EHMT1: variants seen among roughly 807,000 people sequenced by gnomAD.
EHMT1 encodes the protein euchromatic histone lysine methyltransferase 1, also known as histone-lysine N-methyltransferase EHMT1.
EHMT1 carries 15 observed loss-of-function variants against 147.2 expected under a neutral mutation model. The ratio of observed to expected loss-of-function variants is 0.10; its 90% CI spans 0.07 to 0.16. The LOEUF is 0.16. Among genes scored for constraint, EHMT1 ranks in the 10% least tolerant of loss-of-function variants. The pLI is 1.00. For missense variants in EHMT1, 1,587 were observed against 1,772.4 expected, an observed-to-expected ratio of 0.90 and a Z score of 1.88; for synonymous variants, 795 against 709.6, an observed-to-expected ratio of 1.12 and a Z score of -1.91.
At chr9:137,803,309 G>A (rs527397378) in intron 18 of EHMT1, 8 of 995,726 alleles carry the variant, frequency 8.0e-6, no homozygotes, top group Middle Eastern at 5.1e-4. Context: ...TGTTGCTGTC[G>A]GAAGAGTGAG....
At chr9:137,708,906 C>T (rs1361605739) in intron 1 of EHMT1, among the ~76,000 whole-genome samples, 1 of 152,210 alleles carries the variant, frequency 6.6e-6, no homozygotes, top group African/African-American at 2.4e-5. Context: ...TCGGGTTCCA[C>T]GCAGCCACTG....
chr9:137,816,090 C>G lies in EHMT1; in HGVS notation c.3374+28C>G, dbSNP rs780152861. 6.9e-6 allele frequency: 11 copies of G among 1,588,064 alleles called. No individual in the cohort carries two copies. The South Asian group carries it at 1.3e-4, about 18-fold the overall frequency. On this transcript the variant is annotated intron_variant, in intron 23 of 26. Coordinates refer to ENST00000460843, the MANE Select transcript of EHMT1 (RefSeq NM_024757.5). Reference sequence around the variant, plus strand: ...GAGAGGCAGCTTCCTGCCGGAGCCCCACATTCTGCTCGTATTAGCACGTAT... The same window carrying G: ...GAGAGGCAGCTTCCTGCCGGAGCCCGACATTCTGCTCGTATTAGCACGTAT...
intron 23 of EHMT1, chr9:137,816,413 C>T (rs1020113349): frequency 5.5e-6 from 2 of 363,374 alleles, no homozygotes; most frequent in Non-Finnish European, 1.1e-5. Flanking sequence ...TATTTTAATA[C>T]TCCAGTCATT....
intron 4 of EHMT1, among the ~76,000 whole-genome samples, chr9:137,730,546 C>T (rs1947018251): frequency 6.6e-6 from 1 of 152,250 alleles, no homozygotes; most frequent in African/African-American, 2.4e-5. Flanking sequence ...CTGACTTGGC[C>T]TCCCAAAGTG....
intron 1 of EHMT1, among the ~76,000 whole-genome samples, chr9:137,659,158 C>T (rs1040867317): frequency 6.6e-6 from 1 of 151,594 alleles, no homozygotes; most frequent in African/African-American, 2.4e-5. Context: ...CCAGGGTTTT[C>T]CTCCCAAAAC....
At chr9:137,646,015 A>G (rs1395851405) in intron 1 of EHMT1, among the ~76,000 whole-genome samples, 1 of 151,808 alleles carries the variant, frequency 6.6e-6, no homozygotes, top group Non-Finnish European at 1.5e-5. Flanking sequence ...CTGGAGTGCA[A>G]TGGTGTGATC....
chr9:137,782,937 G>GTCCCCC lies in EHMT1; in HGVS notation c.2382+542_2382+547dup, dbSNP rs1007092993. Among the ~76,000 whole-genome samples, 17 of 152,180 alleles carry GTCCCCC rather than the reference G, an allele frequency of 1.1e-4. No individual in the cohort carries two copies. Among genetic ancestry groups the GTCCCCC allele is most frequent in the African/African-American group, 3.9e-4 (16 of 41,426 alleles). ...TGGGTTCAGACACACGACGCTGTTT[G>GTCCCCC]TCCCCCTGTGACGCCCCTTCCCTGA... On this transcript the variant is annotated intron_variant, in intron 15 of 26. Coordinates refer to ENST00000460843, the MANE Select transcript of EHMT1 (RefSeq NM_024757.5). This position sits in a 1 kb window ranked among gnomAD's most constrained non-coding sequence, Gnocchi z 5.7.
intron 4 of EHMT1, among the ~76,000 whole-genome samples, chr9:137,740,824 A>G (rs888603688): frequency 2.6e-5 from 4 of 152,038 alleles, no homozygotes; most frequent in African/African-American, 9.7e-5. Context: ...ATTTTTTGAG[A>G]TGGAGTCTAG....
chr9:137,698,883 T>C (rs1184832610), intron 1 of EHMT1, among the ~76,000 whole-genome samples: 1 of 152,154 alleles, frequency 6.6e-6, no homozygotes, highest in East Asian at 1.9e-4. Context: ...AGGAATCTTA[T>C]AAAGGGCAGT....
intron 2 of EHMT1, among the ~76,000 whole-genome samples, chr9:137,711,374 A>G (rs190058713): frequency 6.6e-6 from 1 of 152,270 alleles, no homozygotes; most frequent in African/African-American, 2.4e-5. Flanking sequence ...TCCTCAGTTG[A>G]TAAGGAACTG....
Position 137,834,818 on chromosome 9 carries a change from C to T in EHMT1, c.3762C>T (p.Phe1254=), listed in dbSNP as rs1224603807. The T allele has an allele frequency of 6.2e-6, 10 of 1,612,600 alleles. No individual in the cohort carries two copies. Among genetic ancestry groups the T allele is most frequent in the Non-Finnish European group, 8.5e-6 (10 of 1,179,674 alleles). The change falls in exon 27 of 27, where the codon TTC becomes TTT. Residue 1254 remains phenylalanine (F), a synonymous_variant. Transcript: ENST00000460843. ...TCTGGGACATCAAAGGCAAGCTCTT[C>T]AGCTGCCGCTGCGGCTCCCCCAAGT... The part of the protein sequence containing the change: ...ERFWDIKGKL[F]SCRCGSPKCR...
At chr9:137,802,380 A>G (rs1953567673) in intron 18 of EHMT1, 1 of 398,546 alleles carries the variant, frequency 2.5e-6, no homozygotes, top group Admixed American at 4.4e-5. Flanking sequence ...GAGGTGCTGT[A>G]GCCCACAGAG....
In EHMT1 at chr9:137,834,791, C is replaced by T. The variant is rs141797498; in HGVS notation, c.3735C>T (p.Arg1245=). Residue 1245 remains arginine, a synonymous_variant, in exon 27 of 27, where the codon CGC becomes CGT. Transcript: ENST00000460843. ...GEQLGFDYGE[R]FWDIKGKLFS... ...TCCCCAGGTTTGACTATGGAGAGCG[C>T]TTCTGGGACATCAAAGGCAAGCTCT... The T allele has an allele frequency of 2.3e-3, 3,718 of 1,613,250 alleles. 6 individuals are homozygous for T. Among genetic ancestry groups the T allele is most frequent in the Non-Finnish European group, 2.8e-3 (3,319 of 1,179,738 alleles).
intron 18 of EHMT1, among the ~76,000 whole-genome samples, chr9:137,809,827 T>TG (rs1954269449): frequency 6.6e-6 from 1 of 152,218 alleles, no homozygotes. Flanking sequence ...TGAGTGACTG[T>TG]GGGGGAAGGG....
intron 1 of EHMT1, among the ~76,000 whole-genome samples, chr9:137,647,477 A>ATT (rs533968046): frequency 1.7e-3 from 253 of 152,036 alleles, no homozygotes; most frequent in Non-Finnish European, 2.9e-3. Context: ...ATGGGGTCCC[A>ATT]GCTTCTTCTC....
intron 19 of EHMT1, among the ~76,000 whole-genome samples, 157 bp from the exon 20 acceptor site, chr9:137,812,849 C>CTT (rs1204860054): frequency 1.3e-5 from 2 of 152,260 alleles, no homozygotes; most frequent in Non-Finnish European, 2.9e-5. Flanking sequence ...TAAAGCCCGT[C>CTT]TTTGCAGAGT....
At chr9:137,695,423 G>C (rs1943322067) in intron 1 of EHMT1, among the ~76,000 whole-genome samples, 1 of 152,226 alleles carries the variant, frequency 6.6e-6, no homozygotes, top group South Asian at 2.1e-4. Flanking sequence ...TCAGGACAAA[G>C]AGCATTGCTT....
At chr9:137,650,943 G>C (rs1016166644) in intron 1 of EHMT1, 1 of 152,194 alleles carries the variant, frequency 6.6e-6, no homozygotes, top group African/African-American at 2.4e-5. Context: ...CACACCCGTG[G>C]TTCCAGCTAC....
chr9:137,760,832 A>C (rs1478719190), intron 9 of EHMT1, among the ~76,000 whole-genome samples: 1 of 152,114 alleles, frequency 6.6e-6, no homozygotes, highest in Non-Finnish European at 1.5e-5. Flanking sequence ...ACACAGTGAA[A>C]CCCCGTCTCT....
Sources: allele counts gnomAD v4.1 joint callset (sites outside exome capture counted in the v4.1 genomes callset), GRCh38; gene constraint gnomAD v4.1.1; non-coding constraint Gnocchi (gnomAD v3.1); transcripts MANE v1.5; gene names NCBI Gene and HGNC (gene_info 2026-07-23, HGNC 2026-07-21).